Variants in FBLN7 observed in about 807,000 individuals in gnomAD.
FBLN7 encodes fibulin-7.
In FBLN7, 31 loss-of-function variants were observed where a neutral mutation model predicts 44.0. The observed-to-expected ratio is 0.70, with a 90% CI of 0.53 to 0.95. FBLN7 has a LOEUF of 0.95. Ranked by LOEUF, FBLN7 falls within the 40% of genes least tolerant of loss-of-function variation. The pLI, the probability that FBLN7 is intolerant of heterozygous loss-of-function variation, is 0.00. For synonymous variants in FBLN7, 262 were observed against 253.4 expected (o/e 1.03, Z -0.32); for missense variants, 573 against 618.5 (o/e 0.93, Z 0.78).
chr2:112,233,469 G>T, the FBLN7 span: 1 of 798,210 alleles, frequency 1.3e-6, no homozygotes, highest in Non-Finnish European at 2.0e-6. Context: ...AATGATTCCA[G>T]AAAGAACCAA....
the FBLN7 span, among the ~76,000 whole-genome samples, chr2:112,223,330 ATG>A: frequency 6.6e-6 from 1 of 152,224 alleles, no homozygotes; most frequent in Non-Finnish European, 1.5e-5. Flanking sequence ...TTGCATGTCA[ATG>A]TATTAATTTA....
chr2:112,200,258 A>G, the FBLN7 span, among the ~76,000 whole-genome samples: 1 of 152,238 alleles, frequency 6.6e-6, no homozygotes, highest in Non-Finnish European at 1.5e-5. Context: ...GTACTAATTA[A>G]GATTCTCAAG....
At chr2:112,211,258 A>T in the FBLN7 span, among the ~76,000 whole-genome samples, 1 of 152,214 alleles carries the variant, frequency 6.6e-6, no homozygotes. Flanking sequence ...CTGATTTGAG[A>T]CCTTAATTGC....
the FBLN7 span, among the ~76,000 whole-genome samples, chr2:112,235,047 T>A: frequency 3.9e-5 from 6 of 152,124 alleles, no homozygotes; most frequent in Non-Finnish European, 5.9e-5. Flanking sequence ...AGGAGATTTT[T>A]ACATTAAAAA....
chr2:112,236,496 G>A, the FBLN7 span: 1 of 1,573,170 alleles, frequency 6.4e-7, no homozygotes, highest in East Asian at 2.3e-5. Context: ...TCTTGTCACT[G>A]AAGTATAAGA....
intron 1 of FBLN7, among the ~76,000 whole-genome samples, chr2:112,141,138 A>G (rs1451725562): frequency 6.6e-6 from 1 of 152,188 alleles, no homozygotes; most frequent in Non-Finnish European, 1.5e-5. Context: ...GAGCCTGCAC[A>G]CGGAGTGCCT....
chr2:112,190,925 C>T (rs1244442788), downstream of FBLN7, among the ~76,000 whole-genome samples: 1 of 152,126 alleles, frequency 6.6e-6, no homozygotes, highest in Non-Finnish European at 1.5e-5. Context: ...TACATGAGTT[C>T]ATGCTGATAC....
chr2:112,214,452 T>C, the FBLN7 span: 1 of 152,106 alleles, frequency 6.6e-6, no homozygotes, highest in African/African-American at 2.4e-5. Context: ...TTCTCCTGGT[T>C]TGAATTTTTT....
At chr2:112,145,654 C>T (rs1239661474) in intron 1 of FBLN7, among the ~76,000 whole-genome samples, 1 of 152,086 alleles carries the variant, frequency 6.6e-6, no homozygotes, top group Admixed American at 6.5e-5. Flanking sequence ...TGAAAATTTT[C>T]TTCTAAAATT....
the FBLN7 span, chr2:112,233,289 G>A: frequency 1.3e-6 from 2 of 1,597,136 alleles, no homozygotes; most frequent in South Asian, 2.3e-5. Flanking sequence ...TTCACCTCTG[G>A]TACAATATCC....
chr2:112,139,458 C>T (rs542551902), intron 1 of FBLN7, among the ~76,000 whole-genome samples: 46 of 19,884 alleles, frequency 2.3e-3, no homozygotes, highest in Non-Finnish European at 3.0e-3. Flanking sequence ...GGTCAGTGTC[C>T]CTCCCGCCTC....
At chr2:112,152,028 C>G (rs1002819415) in intron 1 of FBLN7, 1 of 152,172 alleles carries the variant, frequency 6.6e-6, no homozygotes, top group Non-Finnish European at 1.5e-5. Flanking sequence ...CTCATTCACT[C>G]GTTCACTCGT....
At chr2:112,158,967 C>A (rs1445398563) in intron 1 of FBLN7, among the ~76,000 whole-genome samples, 1 of 152,188 alleles carries the variant, frequency 6.6e-6, no homozygotes, top group East Asian at 1.9e-4. Context: ...GAAACTAACA[C>A]TGCCGATGCC....
the FBLN7 span, among the ~76,000 whole-genome samples, chr2:112,200,363 T>A: frequency 1.3e-5 from 2 of 152,064 alleles, no homozygotes; most frequent in African/African-American, 4.8e-5. Flanking sequence ...ACATAAGGGG[T>A]GGCATGTATG....
the FBLN7 span, chr2:112,212,478 G>A: frequency 6.6e-6 from 1 of 152,198 alleles, no homozygotes; most frequent in Non-Finnish European, 1.5e-5. Context: ...ATGTAGGTTT[G>A]CTTCTTAGTT....
chr2:112,161,949 G>A (rs1681895774), intron 2 of FBLN7, among the ~76,000 whole-genome samples: 1 of 152,206 alleles, frequency 6.6e-6, no homozygotes, highest in Admixed American at 6.5e-5. Context: ...GGGTGTGGTG[G>A]GGGTTGGGCC....
the FBLN7 span, chr2:112,232,024 C>T: frequency 1.2e-6 from 1 of 862,142 alleles, no homozygotes; most frequent in Non-Finnish European, 1.7e-6. Flanking sequence ...TTTATTTTTC[C>T]TAAATAAAGA....
intron 2 of FBLN7, among the ~76,000 whole-genome samples, chr2:112,161,030 G>A (rs1411845570): frequency 6.6e-6 from 1 of 152,188 alleles, no homozygotes; most frequent in East Asian, 1.9e-4. Flanking sequence ...TGAGGCTACA[G>A]CCGACACCCC....
At chr2:112,150,616 G>C (rs763705875) in intron 1 of FBLN7, among the ~76,000 whole-genome samples, 1 of 152,126 alleles carries the variant, frequency 6.6e-6, no homozygotes, top group Admixed American at 6.5e-5. Flanking sequence ...AGCGTAGCAC[G>C]TGGTGAAGAC....
Sources: allele counts gnomAD v4.1 joint callset (sites outside exome capture counted in the v4.1 genomes callset), GRCh38; gene constraint gnomAD v4.1.1; transcripts MANE v1.5; gene names NCBI Gene and HGNC (gene_info 2026-07-23, HGNC 2026-07-21).